The following SCN8A variants were observed in gnomAD, a reference collection of about 807,000 sequenced individuals.
SCN8A encodes sodium voltage-gated channel alpha subunit 8.
In SCN8A, 30 loss-of-function variants were observed where a neutral mutation model predicts 184.1. The observed-to-expected ratio is 0.16, with a 90% confidence interval of 0.12 to 0.22. The LOEUF is 0.22. SCN8A is among the 10% of genes least tolerant of loss of function. The pLI is 1.00. For missense variants in SCN8A, 1,057 were observed against 2,498.9 expected (o/e 0.42, Z 12.30); for synonymous variants, 852 against 907.0 (o/e 0.94, Z 1.09).
Position 51,746,017 on chromosome 12 carries a change from A to G in SCN8A, c.2113A>G (p.Thr705Ala). 1 of 1,609,388 alleles carries G rather than the reference A, an allele frequency of 6.2e-7. No homozygotes were observed. Residue 705 changes from threonine (T) to alanine (A), a missense_variant, in exon 13 of 27, where the codon ACA (threonine) becomes GCA (alanine). Around this residue, in one of 19 missense-constraint regions of SCN8A, gnomAD observed 322 missense variants for 390.1 expected, o/e 0.83. Coordinates refer to ENST00000627620, the MANE Select transcript of SCN8A (RefSeq NM_001330260.2). ...DRINSIMSVV[T>A]NTLVEELEES... ...AATCAACAGTATAATGAGTGTTGTT[A>G]CAAATACACTAGTAGAAGGTATGTG...
intron 1 of SCN8A, among the ~76,000 whole-genome samples, chr12:51,610,336 A>G (rs1281727142): frequency 1.3e-5 from 2 of 152,168 alleles, no homozygotes; most frequent in Admixed American, 1.3e-4. Context: ...GCAGTTTTGT[A>G]TCCTTTAAGT....
intron 26 of SCN8A, among the ~76,000 whole-genome samples, chr12:51,796,043 C>T (rs1426733958): frequency 2.0e-5 from 3 of 151,782 alleles, no homozygotes; most frequent in African/African-American, 7.3e-5. Flanking sequence ...GACCTAGTCT[C>T]AAAAATAAAG....
intron 20 of SCN8A, among the ~76,000 whole-genome samples, chr12:51,776,164 A>G (rs573139615): frequency 6.6e-6 from 1 of 152,234 alleles, no homozygotes; most frequent in Admixed American, 6.5e-5. Flanking sequence ...TAATTTTTGT[A>G]TCTTGGGTAG....
At chr12:51,687,529 AC>A (rs1357859311) in intron 5 of SCN8A, among the ~76,000 whole-genome samples, 1 of 152,234 alleles carries the variant, frequency 6.6e-6, no homozygotes, top group Non-Finnish European at 1.5e-5. Context: ...CACGGTTTGC[AC>A]ACCTATCATT....
chr12:51,794,733 C>A (rs1057372360), intron 26 of SCN8A, 92 bp downstream of exon 26: 2 of 1,294,738 alleles, frequency 1.5e-6, no homozygotes, highest in African/African-American at 1.5e-5. Context: ...TGACACAGGT[C>A]TGAAGTGCAG....
chr12:51,744,140 A>G (rs1325309855), intron 12 of SCN8A, among the ~76,000 whole-genome samples: 2 of 152,130 alleles, frequency 1.3e-5, no homozygotes, highest in Admixed American at 6.6e-5. Context: ...TGTCTTTACT[A>G]AAAAATACAA....
intron 11 of SCN8A, among the ~76,000 whole-genome samples, chr12:51,712,051 G>A (rs1941886650): frequency 1.3e-5 from 2 of 152,034 alleles, no homozygotes; most frequent in South Asian, 2.1e-4. Context: ...GTACTAAAAT[G>A]TAGAAAAACT....
At position 51,743,004 on chromosome 12, in the gene SCN8A, A is replaced by G. The variant is rs1942452869; in HGVS notation, c.1999-2899A>G. Among the ~76,000 whole-genome samples the G allele has an allele frequency of 2.0e-5, 3 of 152,140 alleles. No individual in the cohort carries two copies. The South Asian group carries it at 6.2e-4, about 32-fold the overall frequency. On this transcript the variant is annotated intron_variant, in intron 12 of 26. Transcript: ENST00000627620. ...TTCTCTTATTAAGAGACTCTAATGC[A>G]TTGTTTAGTATTCAGTTGCATTTTC...
chr12:51,592,055 A>T (rs1041743175), intron 1 of SCN8A, among the ~76,000 whole-genome samples: 1 of 10,850 alleles, frequency 9.2e-5, no homozygotes, highest in Non-Finnish European at 1.9e-4. Context: ...TCCCACCCCC[A>T]CCCCCACCCC....
At chr12:51,700,182 C>G (rs11169905) in intron 7 of SCN8A, among the ~76,000 whole-genome samples, 1 of 147,380 alleles carries the variant, frequency 6.8e-6, no homozygotes, top group East Asian at 2.0e-4. Flanking sequence ...AAAAAAAAAA[C>G]AAAAAAAAAA....
In SCN8A at chr12:51,721,729, G is replaced by A. The variant is rs367949317; in HGVS notation, c.1819G>A (p.Ala607Thr). The A allele has an allele frequency of 1.1e-4, 168 of 1,596,556 alleles. 1 individual carries two copies. In the African/African-American group the frequency reaches 1.8e-3, roughly 17 times the overall value. ...RRDSLFIPIRARERRSSYSGY... is the reference protein window; with the variant it reads ...RRDSLFIPIRTRERRSSYSGY... Reference sequence around the variant, plus strand: ...GGACTCCCTCTTCATCCCCATCCGGGCCCGCGAGCGCCGGAGCAGCTACAG... The same window carrying A: ...GGACTCCCTCTTCATCCCCATCCGGACCCGCGAGCGCCGGAGCAGCTACAG... Residue 607 changes from alanine to threonine, a missense_variant, in exon 12 of 27, where the codon GCC (alanine) becomes ACC (threonine). By Grantham distance (58) the Ala-to-Thr change is moderately conservative (BLOSUM62 0). Transcript: ENST00000627620.
intron 20 of SCN8A, among the ~76,000 whole-genome samples, chr12:51,778,770 A>G (rs1454177708): frequency 2.0e-5 from 3 of 152,102 alleles, no homozygotes; most frequent in African/African-American, 4.8e-5. Flanking sequence ...TAATTTGTAG[A>G]TTGTTTCTTT....
chr12:51,613,054 A>G (rs1939757389), intron 1 of SCN8A, among the ~76,000 whole-genome samples: 1 of 152,084 alleles, frequency 6.6e-6, no homozygotes, highest in African/African-American at 2.4e-5. Context: ...GAAGTTTTGC[A>G]TTATCTGTGT....
chr12:51,690,816 A>G (rs1941493958), intron 6 of SCN8A, among the ~76,000 whole-genome samples: 1 of 152,230 alleles, frequency 6.6e-6, no homozygotes, highest in African/African-American at 2.4e-5. Flanking sequence ...AATTTGGGCC[A>G]TGGAGTTGGC....
chr12:51,679,743 T>TTTTTTTTTTTTAG (rs1941295514), intron 2 of SCN8A, among the ~76,000 whole-genome samples: 1 of 64,020 alleles, frequency 1.6e-5, no homozygotes, highest in African/African-American at 4.1e-5. Context: ...TTTTTTTTTT[T>TTTTTTTTTTTTAG]GAGACGGAGT....
chr12:51,737,875 A>C (rs1450134411), intron 12 of SCN8A, among the ~76,000 whole-genome samples: 1 of 152,220 alleles, frequency 6.6e-6, no homozygotes, highest in Non-Finnish European at 1.5e-5. Flanking sequence ...TTCTCCATTT[A>C]CCTGATTTTT....
At chr12:51,673,544 G>A (rs1409981356) in intron 2 of SCN8A, among the ~76,000 whole-genome samples, 4 of 152,188 alleles carry the variant, frequency 2.6e-5, no homozygotes, top group East Asian at 1.9e-4. Context: ...AAAAGTGACC[G>A]TATAGCTTCA....
At chr12:51,649,294 A>G (rs1478276351) in intron 1 of SCN8A, among the ~76,000 whole-genome samples, 1 of 152,090 alleles carries the variant, frequency 6.6e-6, no homozygotes. Context: ...CGAACAATGC[A>G]ATTGGTCGGT....
chr12:51,709,600 A>C (rs189965639), intron 11 of SCN8A, among the ~76,000 whole-genome samples: 4 of 152,310 alleles, frequency 2.6e-5, no homozygotes, highest in Non-Finnish European at 4.4e-5. Context: ...CTTTAAAGAC[A>C]TGTTTTAGTC....
Sources: gnomAD v4.1 joint callset for allele counts (sites outside exome capture counted in the v4.1 genomes callset) on GRCh38, gnomAD v4.1.1 for gene constraint, gnomAD v4.1.1 regional missense constraint, MANE v1.5 for transcripts, NCBI Gene and HGNC (gene_info 2026-07-23, HGNC 2026-07-21) for gene names.